KANSL1L: variants seen among roughly 807,000 people sequenced by gnomAD.
The protein encoded by KANSL1L is KAT8 regulatory NSL complex subunit 1-like protein.
In KANSL1L, 25 loss-of-function variants were observed where a neutral mutation model predicts 108.6. The ratio of observed to expected loss-of-function variants is 0.23; its 90% CI spans 0.17 to 0.32. KANSL1L has a LOEUF of 0.32. Among genes scored for constraint, KANSL1L ranks in the 10% least tolerant of loss-of-function variants. The pLI, the probability that KANSL1L is intolerant of heterozygous loss-of-function variation, is 1.00. For synonymous variants in KANSL1L, 405 were observed against 395.1 expected, an observed-to-expected ratio of 1.03 and a Z score of -0.30; for missense variants, 1,137 against 1,125.7, an observed-to-expected ratio of 1.01 and a Z score of -0.14.
At chr2:210,129,340 T>C (rs1232048913) in intron 2 of KANSL1L, among the ~76,000 whole-genome samples, 168 bp from the exon 3 acceptor site, 3 of 152,174 alleles carry the variant, frequency 2.0e-5, no homozygotes, top group African/African-American at 2.4e-5. Context: ...GAAAAAGATA[T>C]AATTTTCCTA....
chr2:210,079,692 G>GTGTATATATATATA (rs2094573735), intron 5 of KANSL1L: 1 of 10,746 alleles, frequency 9.3e-5, no homozygotes, highest in African/African-American at 3.3e-4. Context: ...ATATATATAT[G>GTGTATATATATATA]TATGTGTGTA....
At chr2:210,075,396 A>G (rs1045014859) in intron 6 of KANSL1L, among the ~76,000 whole-genome samples, 156 bp downstream of exon 6, 19 of 152,172 alleles carry the variant, frequency 1.2e-4, no homozygotes, top group Non-Finnish European at 1.8e-4. Context: ...AGTATTATTA[A>G]TATCTACTAT....
intron 5 of KANSL1L, chr2:210,079,670 G>GTGTATATATATATATGTA (rs1559539857): frequency 1.8e-4 from 3 of 16,638 alleles, no homozygotes; most frequent in African/African-American, 6.2e-4. Flanking sequence ...ATATATGTAT[G>GTGTATATATATATATGTA]TGTGTATATA....
intron 2 of KANSL1L, among the ~76,000 whole-genome samples, chr2:210,129,858 TA>T (rs1470240401): frequency 6.6e-6 from 1 of 152,022 alleles, no homozygotes; most frequent in Non-Finnish European, 1.5e-5. Context: ...CATGCATATT[TA>T]AAAATAAGGG....
At chr2:210,064,451 G>A (rs1408493702) in intron 6 of KANSL1L, 1 of 151,928 alleles carries the variant, frequency 6.6e-6, no homozygotes, top group Non-Finnish European at 1.5e-5. Flanking sequence ...CATAACCTCT[G>A]CAAATAATTA....
chr2:210,112,176 T>G (rs1457539783), intron 3 of KANSL1L, among the ~76,000 whole-genome samples: 1 of 152,178 alleles, frequency 6.6e-6, no homozygotes, highest in Non-Finnish European at 1.5e-5. Flanking sequence ...CTATTGTGAA[T>G]AGTGCCGCTA....
At chr2:210,133,607 T>C (rs1038885961) in intron 2 of KANSL1L, among the ~76,000 whole-genome samples, 2 of 152,076 alleles carry the variant, frequency 1.3e-5, no homozygotes, top group African/African-American at 2.4e-5. Flanking sequence ...TTTAATTTAG[T>C]ATTATTTTTA....
chr2:210,092,750 AG>A (rs976085640), intron 5 of KANSL1L, among the ~76,000 whole-genome samples: 2 of 152,146 alleles, frequency 1.3e-5, no homozygotes, highest in African/African-American at 4.8e-5. Flanking sequence ...ATTATTCATG[AG>A]GATTTCCCTA....
rs577255063 is a variant in KANSL1L, at chr2:210,027,290, G to C, written c.2451+6C>G. Reference sequence around the variant, plus strand: ...CAATTATCCCATTAAATGAAAGGCAGCTTACCTCTTCTTTGCCTAAATTAT... The same window carrying C: ...CAATTATCCCATTAAATGAAAGGCACCTTACCTCTTCTTTGCCTAAATTAT... On this transcript the variant is annotated splice_donor_region_variant and intron_variant, in intron 12 of 14. Coordinates refer to ENST00000281772, the MANE Select transcript of KANSL1L (RefSeq NM_152519.4). 9 of 1,592,080 alleles carry C rather than the reference G, an allele frequency of 5.7e-6. No individual in the cohort carries two copies. Among genetic ancestry groups the C allele is most frequent in the Middle Eastern group, 3.3e-4 (2 of 6,014 alleles).
At chr2:210,092,516 T>C (rs1416685839) in intron 5 of KANSL1L, among the ~76,000 whole-genome samples, 1 of 152,252 alleles carries the variant, frequency 6.6e-6, no homozygotes, top group South Asian at 2.1e-4. Context: ...AATGTGCTTA[T>C]GTAACTTGAT....
intron 6 of KANSL1L, among the ~76,000 whole-genome samples, chr2:210,074,536 G>A (rs567067196): frequency 6.6e-5 from 10 of 152,192 alleles, no homozygotes; most frequent in African/African-American, 2.4e-4. Context: ...TGTATTTTTA[G>A]TAGAGATGGG....
At chr2:210,131,802 G>A (rs1001264482) in intron 2 of KANSL1L, among the ~76,000 whole-genome samples, 1 of 151,462 alleles carries the variant, frequency 6.6e-6, no homozygotes, top group African/African-American at 2.4e-5. Flanking sequence ...CAGGTTCAAC[G>A]GATTCTTGTC....
intron 4 of KANSL1L, among the ~76,000 whole-genome samples, chr2:210,099,117 AT>A (rs1219150605): frequency 1.3e-5 from 2 of 152,120 alleles, no homozygotes; most frequent in African/African-American, 4.8e-5. Context: ...ACATTTAGGT[AT>A]ATATTTCTCC....
chr2:210,071,062 G>A (rs2094504417), intron 6 of KANSL1L, among the ~76,000 whole-genome samples: 2 of 151,786 alleles, frequency 1.3e-5, no homozygotes, highest in South Asian at 4.2e-4. Context: ...GGAGGCTGAG[G>A]CAGGAAAACT....
intron 1 of KANSL1L, among the ~76,000 whole-genome samples, chr2:210,156,340 C>T (rs2095332948): frequency 6.6e-6 from 1 of 151,860 alleles, no homozygotes; most frequent in Non-Finnish European, 1.5e-5. Context: ...GTAATTTGAC[C>T]ACAATGTAGA....
chr2:210,084,425 A>G (rs1041073337), intron 5 of KANSL1L, among the ~76,000 whole-genome samples: 4 of 152,116 alleles, frequency 2.6e-5, no homozygotes, highest in Non-Finnish European at 4.4e-5. Context: ...TCCGTCTTAG[A>G]AAGAAAAATT....
intron 10 of KANSL1L, 116 bp from the exon 11 acceptor site, chr2:210,029,085 T>C (rs1299759625): frequency 1.1e-6 from 1 of 882,120 alleles, no homozygotes; most frequent in Non-Finnish European, 1.7e-6. Context: ...TGTAAATACA[T>C]TGTTATAAAG....
chr2:210,026,422 A>G (rs2093937661), intron 12 of KANSL1L: 1 of 152,240 alleles, frequency 6.6e-6, no homozygotes, highest in Non-Finnish European at 1.5e-5. Flanking sequence ...CAAATTTTTC[A>G]TAATTCATTT....
At chr2:210,025,338 C>T (rs1212380181) in intron 12 of KANSL1L, 122 bp from the exon 13 acceptor site, 8 of 560,936 alleles carry the variant, frequency 1.4e-5, no homozygotes, top group South Asian at 8.7e-5. Context: ...GGGTGGATCA[C>T]GAGGTCAGGA....
Sources: gnomAD v4.1 joint callset for allele counts (sites outside exome capture counted in the v4.1 genomes callset) on GRCh38, gnomAD v4.1.1 for gene constraint, MANE v1.5 for transcripts, NCBI Gene and HGNC (gene_info 2026-07-23, HGNC 2026-07-21) for gene names.